The following STEAP3 variants were observed in gnomAD, a reference collection of about 807,000 sequenced individuals.
STEAP3 encodes the protein metalloreductase STEAP3.
STEAP3 carries 35 observed loss-of-function variants against 34.9 expected under a neutral mutation model. The ratio of observed to expected loss-of-function variants is 1.00; its 90% CI spans 0.76 to 1.33. STEAP3 has a LOEUF of 1.33. Among genes scored for constraint, STEAP3 ranks in the 40% most tolerant of loss-of-function variants. STEAP3 has a pLI of 0.00. For synonymous variants in STEAP3, 281 were observed against 301.6 expected, an observed-to-expected ratio of 0.93 and a Z score of 0.71; for missense variants, 652 against 667.6, an observed-to-expected ratio of 0.98 and a Z score of 0.26.
chr2:119,254,536 T>C, intron 4 of STEAP3, 148 bp from the exon 5 acceptor site: 1 of 825,672 alleles, frequency 1.2e-6, no homozygotes, highest in South Asian at 1.6e-5. Context: ...GATGAGTTAA[T>C]GCCTGAGAAA....
chr2:119,253,110 T>C (rs1484004216), intron 4 of STEAP3, among the ~76,000 whole-genome samples: 1 of 152,186 alleles, frequency 6.6e-6, no homozygotes, highest in East Asian at 1.9e-4. Context: ...TAATGGTGAC[T>C]TCAACCACAG....
At position 119,252,623 on chromosome 2, in the gene STEAP3, GACTT is replaced by G. The variant is rs200589137; in HGVS notation, c.1051-2053_1051-2050del. Among the ~76,000 whole-genome samples the G allele has an allele frequency of 8.4e-3, 1,278 of 152,292 alleles. 16 individuals are homozygous for G. The highest frequency in any genetic ancestry group is 0.029 in the African/African-American group (1,206 of 41,550). ...GAACTTGATCATCTCTAAACATAGA[GACTT>G]ACTTACTAGGGGAGCTGTTACATCT... On this transcript the variant is annotated intron_variant, in intron 4 of 5. Transcript: ENST00000393110.
In STEAP3 at chr2:119,264,139, C is replaced by G. The variant is rs532510686; in HGVS notation, c.*801C>G. On this transcript the variant is annotated 3_prime_UTR_variant, in exon 6 of 6. Coordinates refer to ENST00000393110, the MANE Select transcript of STEAP3 (RefSeq NM_182915.3). ...TTGGGAACAAGTGTAATTTCCTTCC[C>G]TCCTTTAACCTGGCGATGAGCGTCC... 28 of 153,446 alleles carry G rather than the reference C, an allele frequency of 1.8e-4. No homozygotes were observed. Among genetic ancestry groups the G allele is most frequent in the Non-Finnish European group, 2.9e-4 (20 of 68,608 alleles). The allele number at this position is 153,446 out of a possible 1,614,324, so 9.5% of individuals were successfully genotyped here.
At chr2:119,234,829 G>A (rs757812000) in intron 2 of STEAP3, among the ~76,000 whole-genome samples, 48 of 152,116 alleles carry the variant, frequency 3.2e-4, no homozygotes, top group Non-Finnish European at 5.4e-4. Flanking sequence ...ACCCGCCTCC[G>A]CTGCTTCAAG....
intron 4 of STEAP3, among the ~76,000 whole-genome samples, chr2:119,249,340 C>G (rs769187937): frequency 6.6e-6 from 1 of 152,128 alleles, no homozygotes; most frequent in South Asian, 2.1e-4. Flanking sequence ...CCCTCCTGGT[C>G]CACAAGCTCA....
At chr2:119,261,440 A>G (rs1677938905) in intron 5 of STEAP3, among the ~76,000 whole-genome samples, 1 of 151,928 alleles carries the variant, frequency 6.6e-6, no homozygotes, top group South Asian at 2.1e-4. Flanking sequence ...ATCCCTGTGT[A>G]ATAGACGTGG....
rs75024392 is a variant in STEAP3 at position 119,245,157 on chromosome 2, T to C, written c.23-332T>C. ...TGCCTAATCCTTTTGAAAAGAAGTATGGCACTGCATCACATTGGTCATGGA... is the reference window on the plus strand; with the variant it reads ...TGCCTAATCCTTTTGAAAAGAAGTACGGCACTGCATCACATTGGTCATGGA... On this transcript the variant is annotated intron_variant, in intron 2 of 5. Transcript: ENST00000393110. The C allele has an allele frequency of 4.5e-3, 1,435 of 320,118 alleles. 16 individuals are homozygous for C. Among genetic ancestry groups the C allele is most frequent in the African/African-American group, 0.027 (1,318 of 48,732 alleles). 19.8% of individuals were successfully genotyped at this position (320,118 alleles called of 1,614,324 possible).
At chr2:119,247,616 G>A (rs112231493) in intron 3 of STEAP3, 63 bp from the exon 4 acceptor site, 4 of 1,472,264 alleles carry the variant, frequency 2.7e-6, no homozygotes, top group African/African-American at 2.8e-5. Context: ...CAGCTGCTCA[G>A]TGAGGCCCTG....
At chr2:119,231,662 G>A (rs999003906) in intron 2 of STEAP3, among the ~76,000 whole-genome samples, 3 of 152,044 alleles carry the variant, frequency 2.0e-5, no homozygotes, top group African/African-American at 4.8e-5. Context: ...GGATTGGCTC[G>A]AGTGTGCTTG....
At chr2:119,256,350 A>AT (rs982534599) in intron 5 of STEAP3, among the ~76,000 whole-genome samples, 23 of 152,224 alleles carry the variant, frequency 1.5e-4, no homozygotes, top group African/African-American at 4.3e-4. Flanking sequence ...AAGGGGAAGA[A>AT]TTTTATTTAT....
In STEAP3 at chr2:119,263,372, C is replaced by G. The variant is rs201407133; in HGVS notation, c.*34C>G. 1.3e-6 allele frequency: 2 copies of G among 1,599,196 alleles called. No individual in the cohort carries two copies. Among genetic ancestry groups the G allele is most frequent in the Non-Finnish European group, 1.7e-6 (2 of 1,173,440 alleles). On this transcript the variant is annotated 3_prime_UTR_variant, in exon 6 of 6. Coordinates refer to ENST00000393110, the MANE Select transcript of STEAP3 (RefSeq NM_182915.3). Reference sequence around the variant, plus strand: ...CCCTGGGCTCTGGACCCCGGGCACACGAGGGACGGTGCCCTGAGCCCGTTA... The same window carrying G: ...CCCTGGGCTCTGGACCCCGGGCACAGGAGGGACGGTGCCCTGAGCCCGTTA...
Position 119,257,357 on chromosome 2 carries a change from C to A in STEAP3, c.1215+2509C>A, listed in dbSNP as rs182545247. 1,526 of 1,364,558 alleles carry A rather than the reference C, an allele frequency of 1.1e-3. 12 individuals carry two copies. The African/African-American group carries it at 0.021, about 19-fold the overall frequency. 84.5% of individuals were successfully genotyped at this position (1,364,558 alleles called of 1,614,324 possible). On this transcript the variant is annotated intron_variant, in intron 5 of 5. Coordinates refer to ENST00000393110, the MANE Select transcript of STEAP3 (RefSeq NM_182915.3). ...AGCCCTCTTGGAGAAACAGAGATAA[C>A]CCAGGCCTGCCTCCCATCCGTGGAC...
At chr2:119,231,427 G>A (rs938889599) in intron 2 of STEAP3, among the ~76,000 whole-genome samples, 5 of 150,780 alleles carry the variant, frequency 3.3e-5, no homozygotes, top group African/African-American at 1.2e-4. Context: ...TGGAATGCAG[G>A]CCCATTGGGA....
At chr2:119,242,992 G>A (rs568454310) in intron 2 of STEAP3, among the ~76,000 whole-genome samples, 1 of 152,282 alleles carries the variant, frequency 6.6e-6, no homozygotes, top group South Asian at 2.1e-4. Context: ...CCCAGAACCA[G>A]GCAGAAAATA....
intron 5 of STEAP3, among the ~76,000 whole-genome samples, chr2:119,259,501 G>A (rs912953247): frequency 3.3e-5 from 5 of 152,214 alleles, no homozygotes; most frequent in Non-Finnish European, 5.9e-5. Context: ...CTGGCCTGAG[G>A]CTGGAACTTC....
chr2:119,252,532 C>G (rs1229584727), intron 4 of STEAP3, among the ~76,000 whole-genome samples: 1 of 152,198 alleles, frequency 6.6e-6, no homozygotes, highest in Non-Finnish European at 1.5e-5. Context: ...AATCCCACAC[C>G]TGAATGCTGT....
chr2:119,258,748 C>T (rs1335200789), intron 5 of STEAP3, among the ~76,000 whole-genome samples: 13 of 149,888 alleles, frequency 8.7e-5, no homozygotes, highest in Non-Finnish European at 1.9e-4. Flanking sequence ...GCTGGGACTA[C>T]AGGCGCCCGG....
At position 119,247,816 on chromosome 2, in the gene STEAP3, G is replaced by A. The variant is rs532020821; in HGVS notation, c.660G>A (p.Pro220=). ...AGGCCATGCCCCTGCGCCTCCTCCC[G>A]GCCTGGAAGGTGCCCACCCTGCTGG... ...EVEAMPLRLL[P]AWKVPTLLAL... Residue 220 remains proline, a synonymous_variant, in exon 4 of 6, where the codon CCG becomes CCA. Coordinates refer to ENST00000393110, the MANE Select transcript of STEAP3 (RefSeq NM_182915.3). 42 of 1,612,486 alleles carry A rather than the reference G, an allele frequency of 2.6e-5. No homozygotes were observed. Among genetic ancestry groups the A allele is most frequent in the East Asian group, 6.7e-5 (3 of 44,860 alleles).
chr2:119,252,260 A>G (rs1003001236), intron 4 of STEAP3, among the ~76,000 whole-genome samples: 2 of 152,238 alleles, frequency 1.3e-5, no homozygotes, highest in Non-Finnish European at 2.9e-5. Context: ...GCAAGATACA[A>G]TGATGCTATG....
Sources: gnomAD v4.1 joint callset for allele counts (sites outside exome capture counted in the v4.1 genomes callset) on GRCh38, gnomAD v4.1.1 for gene constraint, MANE v1.5 for transcripts, NCBI Gene and HGNC (gene_info 2026-07-23, HGNC 2026-07-21) for gene names.